The following CTIF variants were observed in gnomAD, a reference collection of about 807,000 sequenced individuals.
CTIF encodes the protein CBP80/20-dependent translation initiation factor.
In CTIF, 21 loss-of-function variants were observed where a neutral mutation model predicts 66.0. That is an observed-to-expected ratio of 0.32 (90% CI 0.23 to 0.46). CTIF has a LOEUF of 0.46. CTIF is among the 20% of genes least tolerant of loss of function. The pLI, the probability that CTIF is intolerant of heterozygous loss-of-function variation, is 1.00. For missense variants in CTIF, 739 were observed against 812.7 expected (o/e 0.91, Z 1.10); for synonymous variants, 345 against 326.4 (o/e 1.06, Z -0.62).
At chr18:48,706,866 A>G (rs1389078089) in intron 6 of CTIF, among the ~76,000 whole-genome samples, 3 of 152,154 alleles carry the variant, frequency 2.0e-5, no homozygotes, top group Non-Finnish European at 2.9e-5. Flanking sequence ...GGCTTGGTTT[A>G]TATAATCTAC....
At chr18:48,579,742 A>G (rs1468224500) in intron 1 of CTIF, among the ~76,000 whole-genome samples, 2 of 152,228 alleles carry the variant, frequency 1.3e-5, no homozygotes, top group Non-Finnish European at 2.9e-5. Flanking sequence ...TTGTGTCTTT[A>G]TTAGTCTCTC....
At chr18:48,737,506 C>T (rs981586116) in intron 7 of CTIF, among the ~76,000 whole-genome samples, 5 of 152,140 alleles carry the variant, frequency 3.3e-5, no homozygotes, top group Non-Finnish European at 5.9e-5. Context: ...AATTGAACCA[C>T]CTTGGAACAG....
At chr18:48,783,012 G>C (rs990045942) in intron 9 of CTIF, among the ~76,000 whole-genome samples, 1 of 152,220 alleles carries the variant, frequency 6.6e-6, no homozygotes, top group African/African-American at 2.4e-5. Flanking sequence ...CCAGATTACA[G>C]ATGTTTTTCT....
At chr18:48,798,549 C>T (rs2067980217) in intron 9 of CTIF, among the ~76,000 whole-genome samples, 1 of 152,164 alleles carries the variant, frequency 6.6e-6, no homozygotes, top group South Asian at 2.1e-4. Flanking sequence ...GTTCCGAGTC[C>T]CATGAAGTAA....
chr18:48,774,101 A>T (rs956644359), intron 9 of CTIF, among the ~76,000 whole-genome samples: 1 of 152,122 alleles, frequency 6.6e-6, no homozygotes, highest in Admixed American at 6.5e-5. Context: ...GGCGCAGTGC[A>T]TGGAAGGGAG....
At chr18:48,781,310 G>A (rs779148161) in intron 9 of CTIF, among the ~76,000 whole-genome samples, 20 of 152,196 alleles carry the variant, frequency 1.3e-4, no homozygotes, top group Non-Finnish European at 2.4e-4. Context: ...CTCTGGGGGC[G>A]GCGGCTGGGA....
intron 1 of CTIF, among the ~76,000 whole-genome samples, chr18:48,562,857 A>G (rs2089193776): frequency 6.6e-6 from 1 of 152,226 alleles, no homozygotes; most frequent in African/African-American, 2.4e-5. Flanking sequence ...CAAATATGAA[A>G]ACCAGTAATC....
chr18:48,660,445 A>G (rs1016513872), intron 3 of CTIF, among the ~76,000 whole-genome samples: 2 of 152,152 alleles, frequency 1.3e-5, no homozygotes, highest in Non-Finnish European at 2.9e-5. Context: ...CTTCCTCTGT[A>G]AAGAATAAAC....
chr18:48,661,028 C>A (rs35773940), intron 3 of CTIF, among the ~76,000 whole-genome samples: 3 of 152,184 alleles, frequency 2.0e-5, no homozygotes, highest in Non-Finnish European at 4.4e-5. Context: ...GCAGTAGGGT[C>A]GTGCTTCCTC....
At chr18:48,840,251 G>A (rs1442459558) in intron 10 of CTIF, among the ~76,000 whole-genome samples, 3 of 152,208 alleles carry the variant, frequency 2.0e-5, no homozygotes. Flanking sequence ...AGACGAGTTT[G>A]GGTGGATTGG....
chr18:48,803,628 C>A (rs2068088539), intron 9 of CTIF, among the ~76,000 whole-genome samples: 1 of 152,186 alleles, frequency 6.6e-6, no homozygotes, highest in Admixed American at 6.5e-5. Context: ...CCACCTGCCC[C>A]AGCTGCAGAA....
chr18:48,660,277 C>T (rs2091320469), intron 3 of CTIF, among the ~76,000 whole-genome samples: 1 of 151,928 alleles, frequency 6.6e-6, no homozygotes, highest in Non-Finnish European at 1.5e-5. Context: ...TGCGTGACTG[C>T]CATGGCTCTT....
At chr18:48,740,427 G>C (rs1296261959) in intron 7 of CTIF, among the ~76,000 whole-genome samples, 1 of 152,168 alleles carries the variant, frequency 6.6e-6, no homozygotes, top group Non-Finnish European at 1.5e-5. Context: ...CATGCACCTG[G>C]TGTCTCCATC....
chr18:48,560,524 T>C (rs976211254), intron 1 of CTIF, among the ~76,000 whole-genome samples: 3 of 151,212 alleles, frequency 2.0e-5, no homozygotes, highest in Non-Finnish European at 2.9e-5. Flanking sequence ...CACGCCCGGC[T>C]TGGAGGCTGT....
intron 7 of CTIF, among the ~76,000 whole-genome samples, chr18:48,749,661 T>C (rs568758548): frequency 6.6e-6 from 1 of 152,316 alleles, no homozygotes; most frequent in Admixed American, 6.5e-5. Context: ...ACAAGAACCC[T>C]ATGAGATGGG....
chr18:48,624,279 A>G (rs1237496311), intron 2 of CTIF, among the ~76,000 whole-genome samples: 3 of 152,124 alleles, frequency 2.0e-5, no homozygotes, highest in African/African-American at 7.2e-5. Context: ...TTTTAGCCCT[A>G]TTCTAAAGGA....
At chr18:48,816,683 A>G (rs993687812) in intron 9 of CTIF, among the ~76,000 whole-genome samples, 1 of 152,232 alleles carries the variant, frequency 6.6e-6, no homozygotes, top group African/African-American at 2.4e-5. Context: ...TGAACGAATG[A>G]ATGCCTAGGC....
At chr18:48,777,140 G>A (rs748347169) in intron 9 of CTIF, among the ~76,000 whole-genome samples, 3 of 152,190 alleles carry the variant, frequency 2.0e-5, no homozygotes, top group Non-Finnish European at 2.9e-5. Context: ...CTCCCCACCC[G>A]GCGGGTCTGG....
chr18:48,771,806 C>T (rs1421458280), intron 9 of CTIF, among the ~76,000 whole-genome samples: 2 of 152,232 alleles, frequency 1.3e-5, no homozygotes, highest in Admixed American at 6.5e-5. Context: ...GCTCTGTGAG[C>T]GGCCGGCCCC....
Sources: allele counts gnomAD v4.1 joint callset (sites outside exome capture counted in the v4.1 genomes callset), GRCh38; gene constraint gnomAD v4.1.1; transcripts MANE v1.5; gene names NCBI Gene and HGNC (gene_info 2026-07-23, HGNC 2026-07-21).